Variants in IQCK observed in about 807,000 individuals in gnomAD.
IQCK encodes IQ domain-containing protein K.
Under a neutral mutation model 28.1 loss-of-function variants are expected in IQCK, and 29 were observed. That is an observed-to-expected ratio of 1.03 (90% CI 0.77 to 1.41). IQCK has a LOEUF of 1.41. IQCK is among the 40% of genes most tolerant of loss of function. The pLI, the probability that IQCK is intolerant of heterozygous loss-of-function variation, is 0.00. For synonymous variants in IQCK, 113 were observed against 115.1 expected, an observed-to-expected ratio of 0.98 and a Z score of 0.12; for missense variants, 359 against 314.7, an observed-to-expected ratio of 1.14 and a Z score of -1.07.
chr16:19,855,488 G>A (rs1308769168), intron 9 of IQCK, among the ~76,000 whole-genome samples: 1 of 152,188 alleles, frequency 6.6e-6, no homozygotes, highest in Non-Finnish European at 1.5e-5. Flanking sequence ...GGGATGCTGA[G>A]GCAGGAGAAT....
At chr16:19,852,731 T>C (rs1267670312) in intron 9 of IQCK, among the ~76,000 whole-genome samples, 1 of 150,332 alleles carries the variant, frequency 6.7e-6, no homozygotes, top group African/African-American at 2.4e-5. Context: ...CACGCCATTC[T>C]CCTGCCTCAG....
At chr16:19,850,879 TG>T (rs1229428080) in intron 9 of IQCK, among the ~76,000 whole-genome samples, 2 of 152,060 alleles carry the variant, frequency 1.3e-5, no homozygotes, top group East Asian at 3.9e-4. Flanking sequence ...TAGCCAGGCA[TG>T]GTGGTGCGTG....
intron 1 of IQCK, among the ~76,000 whole-genome samples, chr16:19,726,183 G>GGATTACAT (rs147387373): frequency 0.052 from 7,802 of 151,326 alleles, 649 homozygotes; most frequent in African/African-American, 0.18. Flanking sequence ...CAAAGTGCTG[G>GGATTACAT]GATTACATGC....
At chr16:19,807,738 C>T (rs992118429) in intron 7 of IQCK, among the ~76,000 whole-genome samples, 1 of 152,140 alleles carries the variant, frequency 6.6e-6, no homozygotes, top group Non-Finnish European at 1.5e-5. Context: ...TTTTCCTAAG[C>T]CTCAGTTTCC....
intron 4 of IQCK, among the ~76,000 whole-genome samples, chr16:19,760,527 G>A (rs983634883): frequency 3.3e-5 from 5 of 152,114 alleles, no homozygotes; most frequent in African/African-American, 1.2e-4. Flanking sequence ...TGACAATCCC[G>A]TTTCCAATAC....
chr16:19,774,712 G>A, intron 6 of IQCK, among the ~76,000 whole-genome samples: 1 of 152,162 alleles, frequency 6.6e-6, no homozygotes, highest in East Asian at 1.9e-4. Context: ...TATGGGGCAG[G>A]TATATTCATA....
intron 6 of IQCK, among the ~76,000 whole-genome samples, chr16:19,772,773 G>A (rs574814409): frequency 6.6e-6 from 1 of 152,292 alleles, no homozygotes; most frequent in South Asian, 2.1e-4. Flanking sequence ...GGGAGGCTGA[G>A]GCAGAAGGAT....
chr16:19,853,184 T>C (rs1377679058), intron 9 of IQCK, among the ~76,000 whole-genome samples: 1 of 152,196 alleles, frequency 6.6e-6, no homozygotes, highest in Non-Finnish European at 1.5e-5. Flanking sequence ...CAAGCAGTTT[T>C]CCAGTGTAGT....
At chr16:19,856,495 A>C in exon 10 of IQCK, 3 of 1,613,692 alleles carry the variant, frequency 1.9e-6, no homozygotes, top group Non-Finnish European at 2.5e-6. Context: ...AGTGAAATGC[A>C]AAATGGAGGA....
intron 6 of IQCK, among the ~76,000 whole-genome samples, chr16:19,770,497 C>T (rs2055305742): frequency 6.6e-6 from 1 of 152,102 alleles, no homozygotes; most frequent in African/African-American, 2.4e-5. Context: ...AAATGTTTCC[C>T]TGCCTTTTCA....
intron 7 of IQCK, among the ~76,000 whole-genome samples, chr16:19,790,412 G>A (rs1224460087): frequency 3.1e-5 from 3 of 97,334 alleles, no homozygotes; most frequent in Non-Finnish European, 5.1e-5. Context: ...GACTTTCCCT[G>A]AATCTGAGCA....
intron 7 of IQCK, among the ~76,000 whole-genome samples, chr16:19,802,667 C>T (rs1394206825): frequency 6.6e-6 from 1 of 150,994 alleles, no homozygotes; most frequent in Non-Finnish European, 1.5e-5. Context: ...AAAGCAGGCT[C>T]CCATCTCACC....
intron 9 of IQCK, among the ~76,000 whole-genome samples, chr16:19,835,572 T>TTTTTC (rs1420106661): frequency 2.0e-5 from 3 of 150,894 alleles, no homozygotes; most frequent in African/African-American, 7.3e-5. Flanking sequence ...GAAGTATTTC[T>TTTTTC]TTTTCTTTTC....
chr16:19,746,359 A>T (rs1255594092), intron 4 of IQCK, among the ~76,000 whole-genome samples: 1 of 152,046 alleles, frequency 6.6e-6, no homozygotes, highest in African/African-American at 2.4e-5. Context: ...TTTTTTACTT[A>T]TTTTAAAATG....
At chr16:19,723,552 T>C (rs1977563264) in intron 1 of IQCK, among the ~76,000 whole-genome samples, 1 of 152,108 alleles carries the variant, frequency 6.6e-6, no homozygotes. Context: ...GGCTTCAAAC[T>C]CAAGTCTGTT....
At chr16:19,736,129 G>A (rs1277692103) in intron 4 of IQCK, 2 of 455,744 alleles carry the variant, frequency 4.4e-6, no homozygotes, top group Non-Finnish European at 8.8e-6. Flanking sequence ...GTTCCCCCTG[G>A]CATCTCTCTA....
exon 3 of IQCK, chr16:19,733,703 G>T: frequency 1.2e-6 from 2 of 1,613,904 alleles, no homozygotes; most frequent in South Asian, 1.1e-5. Context: ...TCCAGGTTGC[G>T]CCAGTAGAGG....
downstream of IQCK, among the ~76,000 whole-genome samples, chr16:19,829,870 A>G (rs181183613): frequency 2.0e-4 from 31 of 152,300 alleles, no homozygotes; most frequent in East Asian, 5.8e-3. Context: ...TTACTGGACA[A>G]TTGTCTTCCC....
intron 6 of IQCK, among the ~76,000 whole-genome samples, chr16:19,785,605 G>GAGTCTTTGTTTGCATAGA (rs1296245831): frequency 2.0e-5 from 3 of 152,176 alleles, no homozygotes; most frequent in Non-Finnish European, 4.4e-5. Context: ...ATTGCGGGCC[G>GAGTCTTTGTTTGCATAGA]AGTCTTTGTT....
Sources: allele counts gnomAD v4.1 joint callset (sites outside exome capture counted in the v4.1 genomes callset), GRCh38; gene constraint gnomAD v4.1.1; transcripts MANE v1.5; gene names NCBI Gene and HGNC (gene_info 2026-07-23, HGNC 2026-07-21).